The following PCSK5 variants were observed in gnomAD, a reference collection of about 807,000 sequenced individuals.
The protein encoded by PCSK5 is prohormone convertase 5.
PCSK5 carries 129 observed loss-of-function variants against 233.2 expected under a neutral mutation model. That is an observed-to-expected ratio of 0.55 (90% CI 0.48 to 0.64). The LOEUF (loss-of-function observed/expected upper bound fraction) is 0.64, where lower values mean the gene tolerates loss of function less well. Ranked by LOEUF, PCSK5 falls within the 30% of genes least tolerant of loss-of-function variation. The pLI is 0.00. For missense variants in PCSK5, 2,076 were observed against 2,430.1 expected, an observed-to-expected ratio of 0.85 and a Z score of 3.06; for synonymous variants, 825 against 879.2, an observed-to-expected ratio of 0.94 and a Z score of 1.09.
chr9:76,110,682 T>G (rs1832173563), intron 9 of PCSK5, among the ~76,000 whole-genome samples: 1 of 151,776 alleles, frequency 6.6e-6, no homozygotes. Flanking sequence ...GGCAACAGAA[T>G]GAGACCTTAT....
chr9:76,220,603 G>T (rs1279649557), intron 20 of PCSK5, among the ~76,000 whole-genome samples: 1 of 150,048 alleles, frequency 6.7e-6, no homozygotes, highest in Non-Finnish European at 1.5e-5. Context: ...TTTGGGTCTG[G>T]TCTTACAACC....
At chr9:76,255,286 C>G (rs578062836) in intron 24 of PCSK5, among the ~76,000 whole-genome samples, 1 of 151,520 alleles carries the variant, frequency 6.6e-6, no homozygotes, top group Non-Finnish European at 1.5e-5. Context: ...GACTCTCTCT[C>G]AAAAAAATAA....
chr9:76,033,029 T>C (rs952897704), intron 5 of PCSK5, among the ~76,000 whole-genome samples: 2 of 152,166 alleles, frequency 1.3e-5, no homozygotes, highest in African/African-American at 4.8e-5. Flanking sequence ...TTAACCAGGG[T>C]GAATGGAAGT....
chr9:75,903,588 AAAATATATAT>A (rs1184284263), intron 1 of PCSK5, among the ~76,000 whole-genome samples: 12 of 114,800 alleles, frequency 1.0e-4, no homozygotes, highest in African/African-American at 5.4e-4. Flanking sequence ...ATATATATAT[AAAATATATAT>A]TATATATATA....
At chr9:75,893,044 G>T (rs1825677808) in intron 1 of PCSK5, among the ~76,000 whole-genome samples, 1 of 152,104 alleles carries the variant, frequency 6.6e-6, no homozygotes, top group South Asian at 2.1e-4. Flanking sequence ...CTTTTTACAT[G>T]AACTTAAAGT....
chr9:76,179,326 A>T (rs1291693098), intron 14 of PCSK5, among the ~76,000 whole-genome samples: 1 of 152,098 alleles, frequency 6.6e-6, no homozygotes, highest in Non-Finnish European at 1.5e-5. Flanking sequence ...TTTATCTACC[A>T]CAAGGCAGCC....
At position 75,903,598 on chromosome 9, in the gene PCSK5, T is replaced by TTA. The variant is rs200557764; in HGVS notation, c.192+12237_192+12238dup. 5.3e-3 allele frequency among the ~76,000 whole-genome samples: 752 copies of TTA among 141,568 alleles called. 8 individuals carry two copies. Among genetic ancestry groups the TTA allele is most frequent in the Admixed American group, 8.8e-3 (124 of 14,156 alleles). 92.9% of individuals were successfully genotyped at this position (141,568 alleles called of 152,430 possible). The stretch of plus-strand genomic sequence containing the variant: ...TGTATATATATATATAAAATATATA[T>TTA]TATATATATATATTATATATATATA... On this transcript the variant is annotated intron_variant, in intron 1 of 37. Transcript: ENST00000674117.
chr9:76,284,781 C>A (rs1178419916), intron 24 of PCSK5, among the ~76,000 whole-genome samples: 2 of 152,096 alleles, frequency 1.3e-5, no homozygotes, highest in African/African-American at 2.4e-5. Context: ...ATCCACCAGC[C>A]TCAGCCTCCC....
chr9:76,151,583 C>A lies in PCSK5; in HGVS notation c.1313-5462C>A, dbSNP rs548853580. ...CTAACCAGGATGCTCAGTCCTGGCC[C>A]CTGCGATGTGCTACCTTCGTCCTCC... On this transcript the variant is annotated intron_variant, in intron 10 of 37. Coordinates refer to ENST00000674117, the MANE Select transcript of PCSK5 (RefSeq NM_001372043.1). Among the ~76,000 whole-genome samples the A allele has an allele frequency of 1.5e-4, 23 of 152,272 alleles. No individual in the cohort carries two copies. The East Asian group carries it at 4.2e-3, about 28-fold the overall frequency.
At chr9:76,040,507 A>G (rs1238432794) in intron 5 of PCSK5, among the ~76,000 whole-genome samples, 1 of 152,030 alleles carries the variant, frequency 6.6e-6, no homozygotes, top group East Asian at 1.9e-4. Flanking sequence ...CGAGCTTCCC[A>G]AGATCCCTTT....
intron 9 of PCSK5, among the ~76,000 whole-genome samples, chr9:76,115,673 A>G (rs1284395937): frequency 6.6e-6 from 1 of 152,138 alleles, no homozygotes; most frequent in Admixed American, 6.6e-5. Flanking sequence ...TTTAGGGTCC[A>G]TTAGTTTCAC....
At chr9:76,217,057 C>T (rs976643363) in intron 20 of PCSK5, among the ~76,000 whole-genome samples, 2 of 152,050 alleles carry the variant, frequency 1.3e-5, no homozygotes, top group African/African-American at 4.8e-5. Context: ...CCAGGCTGGT[C>T]TCAGATCCAC....
chr9:75,922,152 G>A (rs542300769), intron 1 of PCSK5, among the ~76,000 whole-genome samples: 7 of 152,256 alleles, frequency 4.6e-5, no homozygotes, highest in Admixed American at 2.0e-4. Context: ...AAAAGCATTA[G>A]TAGGGTACAA....
intron 14 of PCSK5, among the ~76,000 whole-genome samples, chr9:76,178,137 C>T (rs902391730): frequency 2.6e-5 from 4 of 152,094 alleles, no homozygotes; most frequent in African/African-American, 9.7e-5. Context: ...TCACAGCTGG[C>T]TGAACTTCAG....
chr9:75,968,043 T>A (rs1019877669), intron 2 of PCSK5, among the ~76,000 whole-genome samples: 1 of 152,136 alleles, frequency 6.6e-6, no homozygotes, highest in Non-Finnish European at 1.5e-5. Context: ...ATTACAGACG[T>A]GAGCCACTGC....
intron 12 of PCSK5, among the ~76,000 whole-genome samples, chr9:76,163,738 T>C (rs568541263): frequency 1.0e-3 from 156 of 152,354 alleles, no homozygotes; most frequent in South Asian, 2.3e-3. Flanking sequence ...AGAGCAACTT[T>C]AGATATAAGC....
intron 1 of PCSK5, among the ~76,000 whole-genome samples, chr9:75,899,357 T>C (rs1420377834): frequency 1.3e-5 from 2 of 152,212 alleles, no homozygotes; most frequent in Non-Finnish European, 2.9e-5. Flanking sequence ...TTGTCTTCCA[T>C]AATTACCCCT....
At chr9:76,059,165 A>G in intron 5 of PCSK5, among the ~76,000 whole-genome samples, 1 of 152,208 alleles carries the variant, frequency 6.6e-6, no homozygotes, top group African/African-American at 2.4e-5. Flanking sequence ...GGAGAGAGTA[A>G]CCATTAAGGT....
chr9:76,325,597 A>T (rs1246192718), intron 32 of PCSK5, among the ~76,000 whole-genome samples: 2 of 152,170 alleles, frequency 1.3e-5, no homozygotes, highest in Non-Finnish European at 2.9e-5. Flanking sequence ...GTGAGGACAG[A>T]GTTGGAAACT....
Sources: allele counts gnomAD v4.1 joint callset (sites outside exome capture counted in the v4.1 genomes callset), GRCh38; gene constraint gnomAD v4.1.1; transcripts MANE v1.5; gene names NCBI Gene and HGNC (gene_info 2026-07-23, HGNC 2026-07-21).